DOCK10: variants seen among roughly 807,000 people sequenced by gnomAD.
The protein encoded by DOCK10 is dedicator of cytokinesis protein 10.
A neutral mutation model predicts 280.1 loss-of-function variants in DOCK10; 145 were observed. That is an observed-to-expected ratio of 0.52 (90% confidence interval 0.45 to 0.59). The LOEUF (loss-of-function observed/expected upper bound fraction) is 0.59. Ranked by LOEUF, DOCK10 falls within the 20% of genes least tolerant of loss-of-function variation. The pLI, the probability that DOCK10 is intolerant of heterozygous loss-of-function variation, is 0.00. For synonymous variants in DOCK10, 915 were observed against 942.2 expected, an observed-to-expected ratio of 0.97 and a Z score of 0.53; for missense variants, 2,368 against 2,651.7, an observed-to-expected ratio of 0.89 and a Z score of 2.35.
At chr2:224,883,960 C>T (rs1235415813) in intron 7 of DOCK10, among the ~76,000 whole-genome samples, 1 of 152,170 alleles carries the variant, frequency 6.6e-6, no homozygotes, top group Non-Finnish European at 1.5e-5. Flanking sequence ...TAATATTTAA[C>T]ATTTTCTGCT....
intron 14 of DOCK10, among the ~76,000 whole-genome samples, chr2:224,858,919 T>C (rs1697323410): frequency 6.6e-6 from 1 of 152,194 alleles, no homozygotes; most frequent in African/African-American, 2.4e-5. Context: ...CCCGATAGAT[T>C]CATTCACAAA....
At chr2:225,014,451 A>G (rs576096868) in intron 1 of DOCK10, among the ~76,000 whole-genome samples, 2 of 152,152 alleles carry the variant, frequency 1.3e-5, no homozygotes, top group Non-Finnish European at 2.9e-5. Context: ...ATATCAGTAT[A>G]AGAATACCCA....
chr2:224,946,877 T>C, intron 1 of DOCK10: 1 of 1,546,510 alleles, frequency 6.5e-7, no homozygotes, highest in South Asian at 1.2e-5. Flanking sequence ...CTTCTTGGTT[T>C]ACTCTCCTCA....
intron 1 of DOCK10, among the ~76,000 whole-genome samples, chr2:224,950,566 A>G (rs978721154): frequency 7.9e-5 from 12 of 152,178 alleles, no homozygotes; most frequent in Non-Finnish European, 4.4e-5. Context: ...CTGACTGGCC[A>G]TGAAGGAGAT....
At chr2:224,834,088 C>CT in intron 26 of DOCK10, 62 bp downstream of exon 26, 1 of 942,668 alleles carries the variant, frequency 1.1e-6, no homozygotes, top group South Asian at 1.4e-5. Flanking sequence ...CTATCATTTT[C>CT]CAGGAGTAAG....
intron 4 of DOCK10, among the ~76,000 whole-genome samples, chr2:224,892,419 A>AAAAT (rs1553606792): frequency 1.4e-5 from 1 of 69,764 alleles, no homozygotes; most frequent in African/African-American, 7.2e-5. Context: ...AAAAAAAAAA[A>AAAAT]AAAGAAAGAA....
intron 22 of DOCK10, among the ~76,000 whole-genome samples, chr2:224,844,357 C>T (rs1444032083): frequency 6.6e-6 from 1 of 151,990 alleles, no homozygotes; most frequent in Non-Finnish European, 1.5e-5. Flanking sequence ...CTTGAACCCC[C>T]GACCTCAGGT....
chr2:224,916,722 G>A lies in DOCK10; in HGVS notation c.306C>T (p.His102=). 2 of 1,610,976 alleles carry A rather than the reference G, an allele frequency of 1.2e-6. No homozygotes were observed. The highest frequency in any genetic ancestry group is 1.7e-6 in the Non-Finnish European group (2 of 1,178,488). ...CCTTAACCAGTAAATTTTCTGCCTTGTGCTCTGCATCTTCAGGTACTGTTG... is the reference window on the plus strand; with the variant it reads ...CCTTAACCAGTAAATTTTCTGCCTTATGCTCTGCATCTTCAGGTACTGTTG... ...LYSTVPEDAE[H]KAENLLVKEA... is the part of the protein sequence containing the mutation. The change falls in exon 3 of 56, where the codon CAC becomes CAT. Residue 102 remains histidine (H), a synonymous_variant. Coordinates refer to ENST00000258390, the MANE Select transcript of DOCK10 (RefSeq NM_014689.3).
chr2:224,870,621 T>C (rs1698208348), intron 11 of DOCK10, among the ~76,000 whole-genome samples: 1 of 151,998 alleles, frequency 6.6e-6, no homozygotes, highest in Non-Finnish European at 1.5e-5. Flanking sequence ...TATTCCTTGG[T>C]TTATCTTTAT....
intron 15 of DOCK10, 56 bp downstream of exon 15, chr2:224,856,804 A>C: frequency 6.7e-7 from 1 of 1,491,460 alleles, no homozygotes; most frequent in East Asian, 2.3e-5. Context: ...TTATGAAGTG[A>C]TAAAAAATCA....
chr2:224,822,652 A>G (rs4674943), intron 28 of DOCK10, among the ~76,000 whole-genome samples: 39,697 of 152,034 alleles, frequency 0.26, 8,375 homozygotes, highest in African/African-American at 0.59. Context: ...GGTTGAGGCT[A>G]CAGTGAGTTG....
chr2:224,822,762 C>T lies in DOCK10; in HGVS notation c.3183+739G>A, dbSNP rs78350003. Among the ~76,000 whole-genome samples, 22 of 152,028 alleles carry T rather than the reference C, an allele frequency of 1.4e-4. No homozygotes were observed. The East Asian group carries it at 4.3e-3, about 29-fold the overall frequency. On this transcript the variant is annotated intron_variant, in intron 28 of 55. Transcript: ENST00000258390. ...AGCCTGGAGATAATAAACAAAAATGCTAAATTCCTGAAGCGTTTCCCAAAG... is the reference window on the plus strand; with the variant it reads ...AGCCTGGAGATAATAAACAAAAATGTTAAATTCCTGAAGCGTTTCCCAAAG...
At chr2:224,997,818 C>T (rs1012417052) in intron 1 of DOCK10, among the ~76,000 whole-genome samples, 17 of 152,124 alleles carry the variant, frequency 1.1e-4, no homozygotes, top group South Asian at 4.1e-4. Flanking sequence ...CTACCAAACA[C>T]GCAATATGGT....
Position 225,042,192 on chromosome 2 carries a change from C to A in DOCK10, c.123+60G>T. The A allele has an allele frequency of 8.2e-7, 1 of 1,223,912 alleles. No individual in the cohort carries two copies. The highest frequency in any genetic ancestry group is 1.0e-6 in the Non-Finnish European group (1 of 982,760). 75.8% of individuals were successfully genotyped at this position (1,223,912 alleles called of 1,614,324 possible). On this transcript the variant is annotated intron_variant, in intron 1 of 55. Coordinates refer to ENST00000258390, the MANE Select transcript of DOCK10 (RefSeq NM_014689.3). This position sits in a 1 kb window ranked among gnomAD's most constrained non-coding sequence, Gnocchi z 5.1. ...CCGCCGAGCTTTTGGGGAAGCTGGG[C>A]TCCGTTCCCCCCGGGCGCCTGGGGC...
chr2:224,961,437 T>TCTTTCTTTCTTTCTTTCTTTC (rs1559873658), intron 1 of DOCK10, among the ~76,000 whole-genome samples: 5 of 129,566 alleles, frequency 3.9e-5, no homozygotes, highest in African/African-American at 1.4e-4. Flanking sequence ...TTTCTTTCTT[T>TCTTTCTTTCTTTCTTTCTTTC]CTTTCTTTCT....
At chr2:224,987,291 T>G (rs1014750922) in intron 1 of DOCK10, among the ~76,000 whole-genome samples, 7 of 152,182 alleles carry the variant, frequency 4.6e-5, no homozygotes, top group Non-Finnish European at 1.0e-4. Flanking sequence ...ATGAAGTATT[T>G]AGGAACAATT....
intron 1 of DOCK10, among the ~76,000 whole-genome samples, chr2:225,019,282 T>C (rs905390065): frequency 1.3e-5 from 2 of 152,110 alleles, no homozygotes; most frequent in East Asian, 1.9e-4. Context: ...GACCACATGA[T>C]GTGTTCGTTT....
At chr2:224,968,360 C>T (rs1016084527) in intron 1 of DOCK10, among the ~76,000 whole-genome samples, 2 of 152,222 alleles carry the variant, frequency 1.3e-5, no homozygotes, top group Non-Finnish European at 2.9e-5. Context: ...AAGACAATCC[C>T]AGGCAGGGCA....
intron 3 of DOCK10, among the ~76,000 whole-genome samples, chr2:224,898,869 C>G (rs1028864593): frequency 6.6e-6 from 1 of 152,198 alleles, no homozygotes; most frequent in African/African-American, 2.4e-5. Context: ...GCCACCGCAC[C>G]GGGCTGATAA....
Sources: allele counts gnomAD v4.1 joint callset (sites outside exome capture counted in the v4.1 genomes callset), GRCh38; gene constraint gnomAD v4.1.1; non-coding constraint Gnocchi (gnomAD v3.1); transcripts MANE v1.5; gene names NCBI Gene and HGNC (gene_info 2026-07-23, HGNC 2026-07-21).